The following CCDC88C variants were observed in gnomAD, a reference collection of about 807,000 sequenced individuals.
The protein encoded by CCDC88C is coiled-coil and HOOK domain protein 88C, also known as protein Daple.
Under a neutral mutation model 198.8 loss-of-function variants are expected in CCDC88C, and 131 were observed. That is an observed-to-expected ratio of 0.66 (90% CI 0.57 to 0.76). The LOEUF (loss-of-function observed/expected upper bound fraction) is 0.76. CCDC88C is among the 30% of genes least tolerant of loss of function. The pLI is 0.00. For missense variants in CCDC88C, 2,553 were observed against 2,631.6 expected (o/e 0.97, Z 0.65); for synonymous variants, 1,166 against 1,114.7 (o/e 1.05, Z -0.92).
At position 91,417,744 on chromosome 14, in the gene CCDC88C, C is replaced by CGCGCCGCGGCACAAAACG. The variant is rs774120076; in HGVS notation, c.-72_-55dup. On this transcript the variant is annotated 5_prime_UTR_variant, in exon 1 of 30. Transcript: ENST00000389857. ...CCCCCGCCCCGCGTCCCCGTTCCCC[C>CGCGCCGCGGCACAAAACG]GCGCCGCGGCACAAAACGGCTCCGC... 3.7e-3 allele frequency: 5,240 copies of CGCGCCGCGGCACAAAACG among 1,419,948 alleles called. 11 individuals carry two copies. The highest frequency in any genetic ancestry group is 4.5e-3 in the Non-Finnish European group (4,819 of 1,071,594). The allele number at this position is 1,419,948 out of a possible 1,614,324, so 88.0% of individuals were successfully genotyped here. A position where few individuals can be genotyped will look rare whatever the true frequency, so the allele number is the denominator to read the frequency against.
intron 3 of CCDC88C, among the ~76,000 whole-genome samples, chr14:91,370,277 A>G (rs190891455): frequency 6.6e-6 from 1 of 151,974 alleles, no homozygotes; most frequent in East Asian, 1.9e-4. Context: ...AGGGGCTGGA[A>G]AAAGAGACGC....
rs749004893 is a variant in CCDC88C, at chr14:91,281,516, G to A, written c.4640C>T (p.Ser1547Leu). 3.1e-6 allele frequency: 5 copies of A among 1,613,716 alleles called. No individual in the cohort carries two copies. Among genetic ancestry groups the A allele is most frequent in the Non-Finnish European group, 4.2e-6 (5 of 1,179,788 alleles). ...RHPGRTKGYN[S>L]DDNLCEPSLE... ...GGATGGCTCACAGAGGTTGTCATCT[G>A]AGTTATAGCCTAAGGTGAAAATAAG... The change falls in exon 27 of 30, where the codon TCA (serine) becomes TTA (leucine). Residue 1547 changes from serine (S) to leucine (L), a missense_variant. Transcript: ENST00000389857.
chr14:91,338,134 A>C lies in CCDC88C; in HGVS notation c.921T>G (p.Ser307=), dbSNP rs1266841241. 1.2e-6 allele frequency: 2 copies of C among 1,613,766 alleles called. No individual in the cohort carries two copies. The highest frequency in any genetic ancestry group is 1.7e-6 in the Non-Finnish European group (2 of 1,179,858). The change falls in exon 10 of 30, where the codon TCT becomes TCG. Residue 307 remains serine, a synonymous_variant. Transcript: ENST00000389857. This position sits in a 1 kb window ranked among gnomAD's most constrained non-coding sequence, Gnocchi z 4.8. ...CCAGCTCGTCTCGATAGGCACGAGC[A>C]GACCGGGCGTCTGCCGCTAGCTGGA... The part of the protein sequence containing the change: ...ENIQLAADAR[S]ARAYRDELDS...
intron 4 of CCDC88C, among the ~76,000 whole-genome samples, 166 bp from the exon 5 acceptor site, chr14:91,343,823 T>TTA (rs946822218): frequency 6.6e-6 from 1 of 152,202 alleles, no homozygotes; most frequent in African/African-American, 2.4e-5. Context: ...CTTTATTTAC[T>TTA]TTTTATTTTA....
intron 13 of CCDC88C, among the ~76,000 whole-genome samples, chr14:91,318,492 T>C (rs1406343330): frequency 6.6e-6 from 1 of 152,120 alleles, no homozygotes; most frequent in Non-Finnish European, 1.5e-5. Context: ...TCTGTTGTCC[T>C]ACAAAGAGAG....
chr14:91,414,131 G>C (rs987362230), intron 2 of CCDC88C, among the ~76,000 whole-genome samples: 1 of 152,188 alleles, frequency 6.6e-6, no homozygotes, highest in African/African-American at 2.4e-5. Flanking sequence ...TCCAAGGATC[G>C]AAGAATGTGG....
At chr14:91,404,574 T>C (rs1370295174) in intron 3 of CCDC88C, among the ~76,000 whole-genome samples, 1 of 152,134 alleles carries the variant, frequency 6.6e-6, no homozygotes, top group African/African-American at 2.4e-5. Context: ...CGGCTGCAGA[T>C]CTGGGGACCA....
chr14:91,297,481 G>C lies in CCDC88C; in HGVS notation c.3790C>G (p.Leu1264Val). ...TACTCCCCCTTCAGCTGGTGGTGCAGGAAATTGACCCTGGAGGAGGAAGAG... is the reference window on the plus strand; with the variant it reads ...TACTCCCCCTTCAGCTGGTGGTGCACGAAATTGACCCTGGAGGAGGAAGAG... ...LRGELDRVNF[L>V]HHQLKGEYEE... The change falls in exon 22 of 30, where the codon CTG becomes GTG. Residue 1264 changes from leucine to valine, a missense_variant. Leu to Val is a conservative substitution (Grantham distance 32). Coordinates refer to ENST00000389857, the MANE Select transcript of CCDC88C (RefSeq NM_001080414.4). 1 of 1,556,718 alleles carries C rather than the reference G, an allele frequency of 6.4e-7. No homozygotes were observed.
intron 10 of CCDC88C, among the ~76,000 whole-genome samples, chr14:91,328,840 C>T (rs1044362123): frequency 4.6e-5 from 7 of 152,220 alleles, no homozygotes; most frequent in South Asian, 2.1e-4. Context: ...GCACTCCCCA[C>T]GGAGCACCTA....
intron 21 of CCDC88C, 66 bp from the exon 22 acceptor site, chr14:91,297,557 A>T: frequency 6.7e-7 from 1 of 1,486,680 alleles, no homozygotes; most frequent in Non-Finnish European, 9.1e-7. Context: ...CGGCCCAGAG[A>T]CCTGGGCTAT....
chr14:91,392,084 C>A (rs1199541261), intron 3 of CCDC88C, among the ~76,000 whole-genome samples: 1 of 152,074 alleles, frequency 6.6e-6, no homozygotes, highest in African/African-American at 2.4e-5. Flanking sequence ...CTCTCTAGTG[C>A]CTCTGGGGCC....
Position 91,308,379 on chromosome 14 carries a change from T to C in CCDC88C, c.2978A>G (p.Asn993Ser). Residue 993 changes from asparagine to serine, a missense_variant, in exon 17 of 30, where the codon AAT (asparagine) becomes AGT (serine). Around this residue, in one of 2 missense-constraint regions of CCDC88C, gnomAD observed 1,260 missense variants for 1,412.0 expected, o/e 0.89. Transcript: ENST00000389857. ...CTGCAGCTCACTCTCTAACTGGCGA[T>C]TTAGGCTCGCTTTCTCTTCCATCTG... is the stretch of plus-strand genomic sequence containing the variant. ...EAQMEEKASL[N>S]RQLESELQML... 6 of 1,614,034 alleles carry C rather than the reference T, an allele frequency of 3.7e-6. No homozygotes were observed. Among genetic ancestry groups the C allele is most frequent in the Non-Finnish European group, 5.1e-6 (6 of 1,179,872 alleles).
rs922032887 is a variant in CCDC88C at position 91,338,887 on chromosome 14, G to C, written c.810-317C>G. ...CAGGCTCCACAGGTGACATCCATCA[G>C]CTGCAGGAAACCTGGGAGAACAGGC... On this transcript the variant is annotated intron_variant, in intron 8 of 29. Coordinates refer to ENST00000389857, the MANE Select transcript of CCDC88C (RefSeq NM_001080414.4). This position sits in a 1 kb window ranked among gnomAD's most constrained non-coding sequence, Gnocchi z 4.8. 16 of 480,490 alleles carry C rather than the reference G, an allele frequency of 3.3e-5. No homozygotes were observed. Among genetic ancestry groups the C allele is most frequent in the Non-Finnish European group, 5.7e-5 (15 of 261,934 alleles). The allele number at this position is 480,490 out of a possible 1,614,324, so 29.8% of individuals were successfully genotyped here.
intron 13 of CCDC88C, 104 bp from the exon 14 acceptor site, chr14:91,315,891 C>T: frequency 4.9e-6 from 6 of 1,229,792 alleles, no homozygotes; most frequent in Non-Finnish European, 6.8e-6. Flanking sequence ...ACTGATGGGT[C>T]TTTTCTCAAG....
chr14:91,277,944 C>A lies in CCDC88C; in HGVS notation c.5036G>T (p.Ser1679Ile). The change falls in exon 29 of 30, where the codon AGC (serine) becomes ATC (isoleucine). Residue 1679 changes from serine to isoleucine, a missense_variant. Ser to Ile is a moderately radical substitution (Grantham distance 142). Transcript: ENST00000389857. ...MVTLEEFLEESNRSSPTHDTP... is the reference protein window; with the variant it reads ...MVTLEEFLEEINRSSPTHDTP... ...CACATGGGTGGGGGAGCTGCGGTTG[C>A]TCTCCTCCAGGAACTCCTCCAAGGT... 2.0e-6 allele frequency: 3 copies of A among 1,519,270 alleles called. No homozygotes were observed. Among genetic ancestry groups the A allele is most frequent in the Non-Finnish European group, 2.7e-6 (3 of 1,124,776 alleles). The allele number at this position is 1,519,270 out of a possible 1,614,324, so 94.1% of individuals were successfully genotyped here. A position where few individuals can be genotyped will look rare whatever the true frequency, so the allele number is the denominator to read the frequency against.
intron 2 of CCDC88C, among the ~76,000 whole-genome samples, chr14:91,413,689 G>C (rs1886900505): frequency 6.6e-6 from 1 of 152,194 alleles, no homozygotes; most frequent in African/African-American, 2.4e-5. Context: ...CCTGCTTCCA[G>C]GTGCTGATGT....
Position 91,338,304 on chromosome 14 carries a change from C to G in CCDC88C, c.892-141G>C, listed in dbSNP as rs1893145650. On this transcript the variant is annotated intron_variant, in intron 9 of 29. Coordinates refer to ENST00000389857, the MANE Select transcript of CCDC88C (RefSeq NM_001080414.4). This position sits in a 1 kb window ranked among gnomAD's most constrained non-coding sequence, Gnocchi z 4.8. Reference sequence around the variant, plus strand: ...GGTGGCCGGGGGCCTCCATGTGCCACCACCACACGGGATCTCCACCTGCTG... The same window carrying G: ...GGTGGCCGGGGGCCTCCATGTGCCAGCACCACACGGGATCTCCACCTGCTG... The G allele has an allele frequency of 3.7e-6, 4 of 1,072,022 alleles. No homozygotes were observed. The highest frequency in any genetic ancestry group is 5.4e-6 in the Non-Finnish European group (4 of 738,406). 66.4% of individuals were successfully genotyped at this position (1,072,022 alleles called of 1,614,324 possible).
At chr14:91,296,729 C>T (rs1291623760) in intron 22 of CCDC88C, among the ~76,000 whole-genome samples, 1 of 152,178 alleles carries the variant, frequency 6.6e-6, no homozygotes, top group East Asian at 1.9e-4. Context: ...GCCAGCTGTC[C>T]CTGGGGCTGT....
chr14:91,333,582 CTG>C (rs1892921315), intron 10 of CCDC88C, among the ~76,000 whole-genome samples: 1 of 152,384 alleles, frequency 6.6e-6, no homozygotes, highest in East Asian at 1.9e-4. Context: ...ACACGGCAAA[CTG>C]TAAACTGCTT....
Sources: gnomAD v4.1 joint callset for allele counts (sites outside exome capture counted in the v4.1 genomes callset) on GRCh38, gnomAD v4.1.1 for gene constraint, gnomAD v4.1.1 regional missense constraint, Gnocchi (gnomAD v3.1) non-coding constraint, MANE v1.5 for transcripts, NCBI Gene and HGNC (gene_info 2026-07-23, HGNC 2026-07-21) for gene names.